The following CHST9 variants were observed in gnomAD, a reference collection of about 807,000 sequenced individuals.
The protein encoded by CHST9 is GalNAc-4-sulfotransferase 2.
CHST9 carries 41 observed loss-of-function variants against 44.4 expected under a neutral mutation model. That is an observed-to-expected ratio of 0.92 (90% CI 0.72 to 1.20). The LOEUF is 1.20. CHST9 is among the 50% of genes most tolerant of loss of function. CHST9 has a pLI of 0.00. For synonymous variants in CHST9, 171 were observed against 178.4 expected (o/e 0.96, Z 0.33); for missense variants, 504 against 516.5 (o/e 0.98, Z 0.23).
chr18:27,181,483 C>A (rs2143984535), intron 1 of CHST9, among the ~76,000 whole-genome samples: 1 of 152,200 alleles, frequency 6.6e-6, no homozygotes, highest in African/African-American at 2.4e-5. Flanking sequence ...TGAAATGGAC[C>A]AAACCCCTTA....
At position 27,050,063 on chromosome 18, in the gene CHST9, T is replaced by C. The variant is rs186427604; in HGVS notation, c.122-1560A>G. Among the ~76,000 whole-genome samples, 10 of 152,184 alleles carry C rather than the reference T, an allele frequency of 6.6e-5. No individual in the cohort carries two copies. The East Asian group carries it at 1.4e-3, about 21-fold the overall frequency. ...GCTACTGCTTGCTGAGTTCACATGA[T>C]TGTTGCTAGATTGTGAGAGAGTAGT... On this transcript the variant is annotated intron_variant, in intron 2 of 5. Coordinates refer to ENST00000618847, the MANE Select transcript of CHST9 (RefSeq NM_031422.6).
At chr18:27,158,626 G>A (rs1438043394) in intron 1 of CHST9, among the ~76,000 whole-genome samples, 4 of 152,188 alleles carry the variant, frequency 2.6e-5, no homozygotes, top group African/African-American at 9.6e-5. Context: ...ACCCAGTAAT[G>A]GGATGGCTGG....
intron 4 of CHST9, among the ~76,000 whole-genome samples, chr18:27,004,783 G>A (rs2056995556): frequency 6.6e-6 from 1 of 152,118 alleles, no homozygotes; most frequent in South Asian, 2.1e-4. Flanking sequence ...GGTTTCTTGA[G>A]CAGGTCTAGG....
At chr18:27,103,244 C>T (rs985167669) in intron 2 of CHST9, among the ~76,000 whole-genome samples, 1 of 152,170 alleles carries the variant, frequency 6.6e-6, no homozygotes, top group African/African-American at 2.4e-5. Flanking sequence ...GAATCAGAAT[C>T]AACACCTACA....
intron 2 of CHST9, among the ~76,000 whole-genome samples, chr18:27,084,449 A>C (rs1598709978): frequency 8.7e-6 from 1 of 114,874 alleles, no homozygotes; most frequent in South Asian, 3.0e-4. Flanking sequence ...TGTTCATAAC[A>C]CTCGCTGGGT....
chr18:27,135,219 G>A (rs2058503766), intron 2 of CHST9, among the ~76,000 whole-genome samples: 1 of 152,236 alleles, frequency 6.6e-6, no homozygotes, highest in Non-Finnish European at 1.5e-5. Flanking sequence ...GGACAAAAAA[G>A]TGCTTTAAAA....
intron 4 of CHST9, among the ~76,000 whole-genome samples, chr18:26,954,011 C>G (rs2056287150): frequency 6.6e-6 from 1 of 152,132 alleles, no homozygotes; most frequent in South Asian, 2.1e-4. Flanking sequence ...CATTATAGAT[C>G]TGCACATGTA....
chr18:27,126,542 G>C (rs1411912283), intron 2 of CHST9, among the ~76,000 whole-genome samples: 1 of 152,174 alleles, frequency 6.6e-6, no homozygotes, highest in African/African-American at 2.4e-5. Context: ...GCCTAGGGTT[G>C]AGAGATCTGA....
At chr18:26,953,252 G>A (rs1047988738) in intron 4 of CHST9, among the ~76,000 whole-genome samples, 4 of 152,182 alleles carry the variant, frequency 2.6e-5, no homozygotes, top group Admixed American at 2.6e-4. Flanking sequence ...TAATTAGAAG[G>A]TGGAATTTGA....
At chr18:27,148,151 TA>T (rs1272449861) in intron 1 of CHST9, among the ~76,000 whole-genome samples, 1 of 152,174 alleles carries the variant, frequency 6.6e-6, no homozygotes, top group Non-Finnish European at 1.5e-5. Flanking sequence ...TTGCTAGGGA[TA>T]ATGGCCTCTA....
chr18:26,921,475 G>A (rs2055652669), intron 5 of CHST9, among the ~76,000 whole-genome samples: 1 of 152,126 alleles, frequency 6.6e-6, no homozygotes, highest in South Asian at 2.1e-4. Context: ...GTGGCCACCA[G>A]ACCTTCTCCT....
rs1424529797 is a variant in CHST9, at chr18:26,913,980, A to G, written c.*2279T>C. The G allele has an allele frequency of 6.6e-6, 1 of 152,220 alleles. No individual in the cohort carries two copies. Among genetic ancestry groups the G allele is most frequent in the Non-Finnish European group, 1.5e-5 (1 of 68,042 alleles). The allele number at this position is 152,220 out of a possible 1,614,324, so 9.4% of individuals were successfully genotyped here. On this transcript the variant is annotated 3_prime_UTR_variant, in exon 6 of 6. Transcript: ENST00000618847. The stretch of plus-strand genomic sequence containing the variant: ...ACATGCATGGCTTTTGGAACTTGCA[A>G]CTACACAGGGTGTCACTTGGCATCA...
Position 26,914,760 on chromosome 18 carries a change from G to A in CHST9, c.*1499C>T. ...AATAAGTATGACTGCAACTATCTTG[G>A]TCTATTAACATTCAACTATTAATAC... On this transcript the variant is annotated 3_prime_UTR_variant, in exon 6 of 6. Coordinates refer to ENST00000618847, the MANE Select transcript of CHST9 (RefSeq NM_031422.6). The A allele has an allele frequency of 2.5e-6, 1 of 393,576 alleles. No homozygotes were observed. Among genetic ancestry groups the A allele is most frequent in the Non-Finnish European group, 4.5e-6 (1 of 223,164 alleles). 24.4% of individuals were successfully genotyped at this position (393,576 alleles called of 1,614,324 possible).
intron 4 of CHST9, among the ~76,000 whole-genome samples, chr18:26,987,837 G>C (rs1423605604): frequency 6.6e-6 from 1 of 152,158 alleles, no homozygotes; most frequent in Non-Finnish European, 1.5e-5. Flanking sequence ...GACCCGAAGA[G>C]AAATTGGCAG....
intron 2 of CHST9, among the ~76,000 whole-genome samples, chr18:27,122,427 A>G (rs1369542812): frequency 6.6e-6 from 1 of 152,222 alleles, no homozygotes; most frequent in Admixed American, 6.5e-5. Context: ...GAATAGGGTT[A>G]CAAGCAACAT....
intron 1 of CHST9, among the ~76,000 whole-genome samples, chr18:27,172,109 G>A (rs1336641728): frequency 6.6e-6 from 1 of 152,064 alleles, no homozygotes; most frequent in Non-Finnish European, 1.5e-5. Flanking sequence ...TTTGTGCAAA[G>A]TCTTATTATC....
chr18:27,046,007 C>T (rs985550367), intron 3 of CHST9, among the ~76,000 whole-genome samples: 2 of 151,916 alleles, frequency 1.3e-5, no homozygotes, highest in Non-Finnish European at 2.9e-5. Context: ...TTTTGTTGAC[C>T]ACCATTATAC....
intron 3 of CHST9, among the ~76,000 whole-genome samples, chr18:27,025,010 C>T (rs1240493079): frequency 6.7e-6 from 1 of 149,604 alleles, no homozygotes; most frequent in Non-Finnish European, 1.5e-5. Flanking sequence ...TAGTTTTTGG[C>T]TTTTTGGGTT....
intron 5 of CHST9, among the ~76,000 whole-genome samples, chr18:26,920,361 T>C (rs1350920186): frequency 6.6e-6 from 1 of 152,234 alleles, no homozygotes; most frequent in African/African-American, 2.4e-5. Flanking sequence ...AAGTCACCTC[T>C]GTAGAAAGGC....
Sources: allele counts gnomAD v4.1 joint callset (sites outside exome capture counted in the v4.1 genomes callset), GRCh38; gene constraint gnomAD v4.1.1; transcripts MANE v1.5; gene names NCBI Gene and HGNC (gene_info 2026-07-23, HGNC 2026-07-21).